ZEB2: variants seen among roughly 807,000 people sequenced by gnomAD.
ZEB2 encodes the protein zinc finger E-box binding homeobox 2.
In ZEB2, 6 loss-of-function variants were observed where a neutral mutation model predicts 99.9. The ratio of observed to expected loss-of-function variants is 0.06; its 90% CI spans 0.03 to 0.12. The LOEUF (loss-of-function observed/expected upper bound fraction) is 0.12, where lower values mean the gene tolerates loss of function less well. ZEB2 is among the 10% of genes least tolerant of loss of function. The probability of loss-of-function intolerance (pLI) is 1.00; values close to 1 mark genes in which losing one functional copy is unlikely to be tolerated. For missense variants in ZEB2, 969 were observed against 1,502.8 expected, an observed-to-expected ratio of 0.64 and a Z score of 5.87; for synonymous variants, 517 against 542.5, an observed-to-expected ratio of 0.95 and a Z score of 0.65.
rs1491378666 is a variant in ZEB2 at position 144,430,044 on chromosome 2, AAC to A, written c.74-20_74-19del. The A allele has an allele frequency of 4.3e-5, 70 of 1,611,036 alleles. No individual in the cohort carries two copies. The highest frequency in any genetic ancestry group is 5.3e-5 in the Non-Finnish European group (63 of 1,179,746). ...GTTCACCACTGCAGAAGAAGCACAA[AAC>A]ACACTCTCTAAACACTCTGTTGAGA... On this transcript the variant is annotated intron_variant, in intron 2 of 9. Transcript: ENST00000627532.
chr2:144,508,236 T>C (rs1381019147), intron 2 of ZEB2, among the ~76,000 whole-genome samples: 1 of 152,130 alleles, frequency 6.6e-6, no homozygotes, highest in Non-Finnish European at 1.5e-5. Flanking sequence ...GTTCATTGTG[T>C]CTCAGGGCAA....
At chr2:144,433,609 A>T (rs1417639208) in intron 2 of ZEB2, among the ~76,000 whole-genome samples, 1 of 152,188 alleles carries the variant, frequency 6.6e-6, no homozygotes, top group Admixed American at 6.6e-5. Context: ...ATATCTGCAT[A>T]TGCATTACTA....
intron 2 of ZEB2, chr2:144,448,809 A>G (rs373155242): frequency 6.6e-6 from 1 of 152,110 alleles, no homozygotes; most frequent in Non-Finnish European, 1.5e-5. Flanking sequence ...GAACTTGGAA[A>G]TCTCCCCACT....
intron 4 of ZEB2, among the ~76,000 whole-genome samples, chr2:144,406,380 A>C (rs559633554): frequency 6.6e-6 from 1 of 152,378 alleles, no homozygotes; most frequent in East Asian, 1.9e-4. Flanking sequence ...AAGTAAACAC[A>C]TCATTACAAA....
intron 2 of ZEB2, chr2:144,462,881 C>T (rs1455568949): frequency 6.6e-6 from 1 of 152,152 alleles, no homozygotes; most frequent in Non-Finnish European, 1.5e-5. Flanking sequence ...CCCATTAGTT[C>T]CAACAGGGCC....
At chr2:144,517,040 C>T (rs1166333850) in intron 2 of ZEB2, among the ~76,000 whole-genome samples, 2 of 148,810 alleles carry the variant, frequency 1.3e-5, no homozygotes, top group South Asian at 2.1e-4. Flanking sequence ...CCCGGCCGGA[C>T]CCCCGCGCTC....
Position 144,404,936 on chromosome 2 carries a change from C to T in ZEB2, c.492G>A (p.Glu164=). 2 of 1,614,240 alleles carry T rather than the reference C, an allele frequency of 1.2e-6. No individual in the cohort carries two copies. The highest frequency in any genetic ancestry group is 1.6e-4 in the Middle Eastern group (1 of 6,062). Residue 164 remains glutamate (E), a synonymous_variant, in exon 5 of 10, where the codon GAG becomes GAA. Transcript: ENST00000627532. ...CTGTGTCACTGCGCTGAAGGTACTC[C>T]TCGATGCTGACTGCATGACCATCGC... ...EERDGHAVSI[E]EYLQRSDTAI... is the part of the protein sequence containing the mutation.
chr2:144,457,660 G>A (rs1363792999), intron 2 of ZEB2, among the ~76,000 whole-genome samples: 7 of 152,088 alleles, frequency 4.6e-5, no homozygotes, highest in Admixed American at 4.6e-4. Flanking sequence ...GGTATTAATG[G>A]GATCAGTGAC....
At chr2:144,508,497 T>C (rs1425939556) in intron 2 of ZEB2, among the ~76,000 whole-genome samples, 7 of 152,138 alleles carry the variant, frequency 4.6e-5, no homozygotes, top group African/African-American at 1.7e-4. Flanking sequence ...GCTCGAATGT[T>C]GACACCTACA....
intron 8 of ZEB2, 112 bp from the exon 9 acceptor site, chr2:144,396,704 TGA>T: frequency 8.6e-7 from 1 of 1,163,710 alleles, no homozygotes; most frequent in South Asian, 1.3e-5. Flanking sequence ...ACTAATTGAT[TGA>T]GTTAAACATT....
chr2:144,482,409 T>C (rs1288892621), intron 2 of ZEB2: 1 of 152,230 alleles, frequency 6.6e-6, no homozygotes, highest in Non-Finnish European at 1.5e-5. Flanking sequence ...TCCAAAGATT[T>C]CTCTTACTAA....
Position 144,515,638 on chromosome 2 carries a change from C to G in ZEB2, c.73+1640G>C, listed in dbSNP as rs574915372. ...TGTTTTTCTGTAATACTAAGCCAAG[C>G]AAATAGATCAAAGACAGCACAAAGG... On this transcript the variant is annotated intron_variant, in intron 2 of 9. Coordinates refer to ENST00000627532, the MANE Select transcript of ZEB2 (RefSeq NM_014795.4). 2.6e-5 allele frequency among the ~76,000 whole-genome samples: 4 copies of G among 151,862 alleles called. 1 individual carries two copies. In the South Asian group the frequency reaches 8.3e-4, roughly 32 times the overall value.
intron 9 of ZEB2, among the ~76,000 whole-genome samples, chr2:144,395,666 C>T (rs1703219552): frequency 6.6e-6 from 1 of 152,100 alleles, no homozygotes; most frequent in Admixed American, 6.5e-5. Context: ...CATAGAGCTG[C>T]AGATCTTGGA....
At chr2:144,517,497 G>A in intron 1 of ZEB2, 78 bp from the exon 2 acceptor site, 1 of 971,986 alleles carries the variant, frequency 1.0e-6, no homozygotes, top group Non-Finnish European at 1.6e-6. Context: ...GGGGAGCCGG[G>A]CCAGGGCCCC....
intron 2 of ZEB2, among the ~76,000 whole-genome samples, chr2:144,460,172 C>T (rs534291496): frequency 2.0e-5 from 3 of 152,164 alleles, no homozygotes; most frequent in Admixed American, 6.5e-5. Context: ...ACCCAAGTGA[C>T]GTAGGTTAGA....
chr2:144,435,738 G>A (rs1037940295), intron 2 of ZEB2, among the ~76,000 whole-genome samples: 4 of 152,008 alleles, frequency 2.6e-5, no homozygotes, highest in African/African-American at 4.8e-5. Flanking sequence ...TTCTTACAAC[G>A]TCTTTACATG....
At chr2:144,428,342 A>G (rs572416105) in intron 3 of ZEB2, 1 of 152,334 alleles carries the variant, frequency 6.6e-6, no homozygotes, top group East Asian at 1.9e-4. Flanking sequence ...AATGGCTATC[A>G]TAAAAATAAA....
At chr2:144,445,695 G>A (rs1312896354) in intron 2 of ZEB2, among the ~76,000 whole-genome samples, 1 of 110,488 alleles carries the variant, frequency 9.1e-6, no homozygotes, top group East Asian at 2.2e-4. Context: ...CAAAATGACA[G>A]AAATGCACCC....
chr2:144,395,389 T>C (rs1703213439), intron 9 of ZEB2, among the ~76,000 whole-genome samples: 1 of 152,100 alleles, frequency 6.6e-6, no homozygotes, highest in African/African-American at 2.4e-5. Flanking sequence ...GCTAGTTTTT[T>C]TTCCTCCATA....
Sources: allele counts gnomAD v4.1 joint callset (sites outside exome capture counted in the v4.1 genomes callset), GRCh38; gene constraint gnomAD v4.1.1; transcripts MANE v1.5; gene names NCBI Gene and HGNC (gene_info 2026-07-23, HGNC 2026-07-21).